The following KALRN variants were observed in gnomAD, a reference collection of about 807,000 sequenced individuals.
KALRN encodes the protein kalirin RhoGEF kinase, also known as kalirin.
In KALRN, 70 loss-of-function variants were observed where a neutral mutation model predicts 353.7. The ratio of observed to expected loss-of-function variants is 0.20; its 90% CI spans 0.16 to 0.24. KALRN has a LOEUF of 0.24. Among genes scored for constraint, KALRN ranks in the 10% least tolerant of loss-of-function variants. KALRN has a pLI of 1.00. For missense variants in KALRN, 2,791 were observed against 3,756.7 expected, an observed-to-expected ratio of 0.74 and a Z score of 6.72; for synonymous variants, 1,391 against 1,434.8, an observed-to-expected ratio of 0.97 and a Z score of 0.69.
chr3:124,298,668 A>G, intron 5 of KALRN, 123 bp from the exon 6 acceptor site: 2 of 1,137,236 alleles, frequency 1.8e-6, no homozygotes, highest in Non-Finnish European at 2.6e-6. Context: ...GAGACTCAGA[A>G]CAATAACTGG....
chr3:124,587,173 C>T (rs1219209606), intron 34 of KALRN, among the ~76,000 whole-genome samples: 2 of 152,104 alleles, frequency 1.3e-5, no homozygotes, highest in Admixed American at 6.5e-5. Flanking sequence ...TGAACCAGTT[C>T]CTCTGGTCTT....
intron 23 of KALRN, among the ~76,000 whole-genome samples, chr3:124,460,798 A>C (rs2059779546): frequency 6.6e-6 from 1 of 152,232 alleles, no homozygotes; most frequent in South Asian, 2.1e-4. Context: ...AAAATATAGA[A>C]TATACCACAA....
chr3:124,451,721 A>G (rs2058805845), intron 21 of KALRN, among the ~76,000 whole-genome samples: 2 of 152,196 alleles, frequency 1.3e-5, no homozygotes, highest in African/African-American at 2.4e-5. Flanking sequence ...CATGGGAAGA[A>G]CAAGAAATGT....
chr3:124,440,481 A>G (rs1006970710), intron 18 of KALRN, among the ~76,000 whole-genome samples: 3 of 152,046 alleles, frequency 2.0e-5, no homozygotes, highest in African/African-American at 7.2e-5. Flanking sequence ...ACCACCATCA[A>G]GCTGTTTTAT....
intron 34 of KALRN, among the ~76,000 whole-genome samples, chr3:124,591,166 A>C (rs1244315626): frequency 6.6e-6 from 1 of 152,202 alleles, no homozygotes; most frequent in Non-Finnish European, 1.5e-5. Flanking sequence ...CCCAAAACTG[A>C]AGATGTCAGA....
chr3:124,624,317 C>T (rs2079682796), intron 34 of KALRN, among the ~76,000 whole-genome samples: 1 of 152,170 alleles, frequency 6.6e-6, no homozygotes, highest in Non-Finnish European at 1.5e-5. Flanking sequence ...GTGATGCTGG[C>T]ATATTGTTAT....
chr3:124,338,680 A>G (rs1482039399), intron 9 of KALRN, among the ~76,000 whole-genome samples: 1 of 152,108 alleles, frequency 6.6e-6, no homozygotes, highest in Non-Finnish European at 1.5e-5. Context: ...AGTTCAAGTC[A>G]TGGATATCCT....
chr3:124,712,541 C>A (rs1252626780), intron 57 of KALRN, among the ~76,000 whole-genome samples: 1 of 151,348 alleles, frequency 6.6e-6, no homozygotes, highest in African/African-American at 2.4e-5. Context: ...CACCTGTAAT[C>A]CCAGCGCTTT....
At chr3:124,104,569 A>G (rs1045492418) in intron 1 of KALRN, among the ~76,000 whole-genome samples, 3 of 152,200 alleles carry the variant, frequency 2.0e-5, no homozygotes, top group Non-Finnish European at 2.9e-5. Flanking sequence ...TTGCATTGGC[A>G]TGTTGGGTTA....
intron 33 of KALRN, among the ~76,000 whole-genome samples, chr3:124,523,947 T>G (rs1325422257): frequency 6.6e-6 from 1 of 152,220 alleles, no homozygotes; most frequent in Non-Finnish European, 1.5e-5. Context: ...CCCAATACAT[T>G]GATATTCTTA....
chr3:124,352,340 G>A (rs771072530), intron 10 of KALRN, among the ~76,000 whole-genome samples: 72 of 152,292 alleles, frequency 4.7e-4, no homozygotes, highest in Non-Finnish European at 8.8e-4. Flanking sequence ...TGAGGTAGGC[G>A]AGTATTCAAG....
At chr3:124,298,949 G>A (rs777845589) in intron 6 of KALRN, 36 bp downstream of exon 6, 1 of 1,613,114 alleles carries the variant, frequency 6.2e-7, no homozygotes, top group Non-Finnish European at 8.5e-7. Flanking sequence ...CTGCCTCTGG[G>A]AGTGGGAGAG....
chr3:124,227,389 G>A lies in KALRN; in HGVS notation c.74-601G>A, dbSNP rs369338306. ...ACATTGAGGGGAGGAGGAAGAGGTG[G>A]GGAGAGGAGTATTGTCATCAACTTT... On this transcript the variant is annotated intron_variant, in intron 1 of 59. Coordinates refer to ENST00000682506, the MANE Select transcript of KALRN (RefSeq NM_001388419.1). Among the ~76,000 whole-genome samples the A allele has an allele frequency of 5.3e-5, 8 of 152,306 alleles. 1 individual carries two copies. In the South Asian group the frequency reaches 8.3e-4, roughly 16 times the overall value.
intron 57 of KALRN, among the ~76,000 whole-genome samples, chr3:124,709,529 T>TGA (rs2062793154): frequency 5.9e-5 from 9 of 152,176 alleles, no homozygotes; most frequent in Admixed American, 5.9e-4. Flanking sequence ...GCACCCACCT[T>TGA]GGTCTCCCAA....
chr3:124,267,823 C>T (rs570438665), intron 4 of KALRN, among the ~76,000 whole-genome samples: 138 of 152,302 alleles, frequency 9.1e-4, no homozygotes, highest in African/African-American at 3.2e-3. Context: ...GCATGTACTC[C>T]ATGCTATGCA....
At chr3:124,662,016 G>GTCCT in intron 45 of KALRN, 88 bp downstream of exon 45, 1 of 1,043,876 alleles carries the variant, frequency 9.6e-7, no homozygotes, top group South Asian at 1.3e-5. Context: ...GAAGCCTTGT[G>GTCCT]TCCTGCCTGT....
chr3:124,440,973 C>T (rs982306674), intron 18 of KALRN, among the ~76,000 whole-genome samples: 1 of 151,886 alleles, frequency 6.6e-6, no homozygotes, highest in Admixed American at 6.6e-5. Flanking sequence ...AGAATGTGAT[C>T]AGCCCTCTCT....
chr3:124,553,487 C>G (rs1287848738), intron 33 of KALRN, among the ~76,000 whole-genome samples: 1 of 152,230 alleles, frequency 6.6e-6, no homozygotes, highest in Non-Finnish European at 1.5e-5. Context: ...GCTCAGTTTT[C>G]CAGTGTTGCA....
chr3:124,507,369 A>C (rs2065352593), intron 33 of KALRN, among the ~76,000 whole-genome samples: 1 of 152,214 alleles, frequency 6.6e-6, no homozygotes, highest in Non-Finnish European at 1.5e-5. Context: ...TAAATTTAAG[A>C]CAATACTGCC....
Sources: allele counts gnomAD v4.1 joint callset (sites outside exome capture counted in the v4.1 genomes callset), GRCh38; gene constraint gnomAD v4.1.1; transcripts MANE v1.5; gene names NCBI Gene and HGNC (gene_info 2026-07-23, HGNC 2026-07-21).